FRAS1: variants seen among roughly 807,000 people sequenced by gnomAD.
The protein encoded by FRAS1 is Fraser extracellular matrix complex subunit 1.
A neutral mutation model predicts 435.2 loss-of-function variants in FRAS1; 290 were observed. The observed-to-expected ratio is 0.67, with a 90% confidence interval of 0.61 to 0.73. The LOEUF is 0.73. Among genes scored for constraint, FRAS1 ranks in the 30% least tolerant of loss-of-function variants. The probability of loss-of-function intolerance (pLI) is 0.00; values close to 1 mark genes in which losing one functional copy is unlikely to be tolerated. For synonymous variants in FRAS1, 1,800 were observed against 1,851.0 expected (o/e 0.97, Z 0.71); for missense variants, 4,860 against 5,001.5 (o/e 0.97, Z 0.85).
intron 41 of FRAS1, among the ~76,000 whole-genome samples, chr4:78,442,609 T>A (rs1734702253): frequency 6.6e-6 from 1 of 152,244 alleles, no homozygotes; most frequent in African/African-American, 2.4e-5. Context: ...AACATGGTTT[T>A]ATGTCAACCT....
intron 2 of FRAS1, 63 bp downstream of exon 2, chr4:78,066,079 CTGAG>C (rs1392910769): frequency 3.5e-6 from 4 of 1,126,870 alleles, no homozygotes; most frequent in African/African-American, 3.1e-5. Flanking sequence ...ATTGAAGTTC[CTGAG>C]TGAGTGAGTT....
At chr4:78,484,626 C>T (rs1172803432) in intron 58 of FRAS1, among the ~76,000 whole-genome samples, 3 of 152,128 alleles carry the variant, frequency 2.0e-5, no homozygotes, top group Non-Finnish European at 2.9e-5. Flanking sequence ...ATTCACAAAA[C>T]GGTAACTTTT....
At chr4:78,232,608 G>A (rs531400424) in intron 2 of FRAS1, among the ~76,000 whole-genome samples, 1 of 152,052 alleles carries the variant, frequency 6.6e-6, no homozygotes, top group East Asian at 1.9e-4. Flanking sequence ...TTTTTGATAG[G>A]TCCAATACCT....
At chr4:78,393,472 A>G (rs1732532664) in intron 29 of FRAS1, among the ~76,000 whole-genome samples, 1 of 151,924 alleles carries the variant, frequency 6.6e-6, no homozygotes, top group Non-Finnish European at 1.5e-5. Context: ...CTGCCATTCT[A>G]CTATCTGCTT....
Position 78,438,497 on chromosome 4 carries a change from A to G in FRAS1, c.5218-73A>G, listed in dbSNP as rs1734516937. On this transcript the variant is annotated intron_variant, in intron 38 of 73. Coordinates refer to ENST00000512123, the MANE Select transcript of FRAS1 (RefSeq NM_025074.7). Reference sequence around the variant, plus strand: ...AATTAGCAGAGAGAGAAGCACCCATAGATCTTTAGCTACTGGAAGTGTTTA... The same window carrying G: ...AATTAGCAGAGAGAGAAGCACCCATGGATCTTTAGCTACTGGAAGTGTTTA... 4 of 1,454,848 alleles carry G rather than the reference A, an allele frequency of 2.7e-6. No individual in the cohort carries two copies. In the South Asian group the frequency reaches 4.8e-5, roughly 17 times the overall value. 90.1% of individuals were successfully genotyped at this position (1,454,848 alleles called of 1,614,324 possible).
At chr4:78,298,019 T>G (rs1728217049) in intron 14 of FRAS1, among the ~76,000 whole-genome samples, 1 of 105,530 alleles carries the variant, frequency 9.5e-6, no homozygotes, top group African/African-American at 3.7e-5. Flanking sequence ...TCTCTCTCTC[T>G]CTCTCTCTCT....
At chr4:78,360,380 G>A (rs887713796) in intron 20 of FRAS1, among the ~76,000 whole-genome samples, 3 of 152,192 alleles carry the variant, frequency 2.0e-5, no homozygotes, top group Non-Finnish European at 4.4e-5. Context: ...GGGTAGTTAA[G>A]GGAAGGCAAG....
intron 2 of FRAS1, chr4:78,181,872 C>T: frequency 6.2e-7 from 1 of 1,611,894 alleles, no homozygotes; most frequent in Non-Finnish European, 8.5e-7. Flanking sequence ...TTGGTCTGGG[C>T]CGCCGCCTGA....
chr4:78,346,429 G>A (rs1057378661), intron 20 of FRAS1, among the ~76,000 whole-genome samples: 2 of 152,146 alleles, frequency 1.3e-5, no homozygotes, highest in African/African-American at 4.8e-5. Flanking sequence ...CTTACCCAAC[G>A]TGTCACAGTT....
intron 2 of FRAS1, among the ~76,000 whole-genome samples, chr4:78,218,812 T>C (rs1208262591): frequency 6.6e-6 from 1 of 152,234 alleles, no homozygotes; most frequent in Non-Finnish European, 1.5e-5. Context: ...GTGACACATG[T>C]AGTTTGCTTG....
intron 9 of FRAS1, among the ~76,000 whole-genome samples, chr4:78,275,740 C>G (rs966037217): frequency 1.3e-5 from 2 of 152,132 alleles, no homozygotes; most frequent in Non-Finnish European, 2.9e-5. Flanking sequence ...CTCTGACCGC[C>G]CTTAACATTT....
intron 14 of FRAS1, among the ~76,000 whole-genome samples, chr4:78,306,335 T>A (rs1016723726): frequency 6.7e-6 from 1 of 150,166 alleles, no homozygotes; most frequent in Non-Finnish European, 1.5e-5. Flanking sequence ...CTGACAATTA[T>A]GCGTCTTGGA....
Position 78,519,434 on chromosome 4 carries a change from C to T in FRAS1, c.10493C>T (p.Thr3498Ile). Residue 3498 changes from threonine to isoleucine, a missense_variant, in exon 67 of 74, where the codon ACC (threonine) becomes ATC (isoleucine). Coordinates refer to ENST00000512123, the MANE Select transcript of FRAS1 (RefSeq NM_025074.7). ...PRGWASLEHH[T>I]EMEFSFFYDT... ...GGCTGGGCCTCCTTGGAGCACCACA[C>T]CGAGATGGAGTTTTCTTTCTTCTAT... The T allele has an allele frequency of 6.2e-7, 1 of 1,612,242 alleles. No individual in the cohort carries two copies. The highest frequency in any genetic ancestry group is 8.5e-7 in the Non-Finnish European group (1 of 1,179,240).
At chr4:78,539,076 G>A (rs1201586717) in intron 72 of FRAS1, among the ~76,000 whole-genome samples, 3 of 152,038 alleles carry the variant, frequency 2.0e-5, no homozygotes, top group Non-Finnish European at 4.4e-5. Context: ...GACACATGGG[G>A]ATTATGGGAA....
rs1319544246 is a variant in FRAS1, at chr4:78,117,597, A to C, written c.108+51581A>C. Among the ~76,000 whole-genome samples, 3 of 152,188 alleles carry C rather than the reference A, an allele frequency of 2.0e-5. No individual in the cohort carries two copies. In the East Asian group the frequency reaches 5.8e-4, roughly 29 times the overall value. ...TCATTCATTTGCTCTTCCGTCACTG[A>C]TACCCTTTCTTCTAGTTGATCGAAT... On this transcript the variant is annotated intron_variant, in intron 2 of 73. Coordinates refer to ENST00000512123, the MANE Select transcript of FRAS1 (RefSeq NM_025074.7).
chr4:78,105,114 C>T (rs905822161), intron 2 of FRAS1, among the ~76,000 whole-genome samples: 17 of 152,304 alleles, frequency 1.1e-4, no homozygotes, highest in African/African-American at 3.6e-4. Context: ...AGCTGGCTCC[C>T]TGTGGATATG....
At chr4:78,289,201 A>G (rs1162384613) in intron 14 of FRAS1, among the ~76,000 whole-genome samples, 1 of 152,210 alleles carries the variant, frequency 6.6e-6, no homozygotes, top group East Asian at 1.9e-4. Context: ...AAAGGAAAAC[A>G]CTTAGTCCTG....
At chr4:78,491,737 T>C (rs1426936327) in intron 59 of FRAS1, among the ~76,000 whole-genome samples, 2 of 152,140 alleles carry the variant, frequency 1.3e-5, no homozygotes, top group Non-Finnish European at 2.9e-5. Flanking sequence ...TTTGAAAACC[T>C]GCACAAGACA....
intron 2 of FRAS1, among the ~76,000 whole-genome samples, chr4:78,097,318 T>C (rs1741861048): frequency 6.6e-6 from 1 of 152,194 alleles, no homozygotes; most frequent in East Asian, 1.9e-4. Flanking sequence ...TTTCCTGTGT[T>C]CTTCTGAGCC....
Sources: allele counts gnomAD v4.1 joint callset (sites outside exome capture counted in the v4.1 genomes callset), GRCh38; gene constraint gnomAD v4.1.1; transcripts MANE v1.5; gene names NCBI Gene and HGNC (gene_info 2026-07-23, HGNC 2026-07-21).